MTSS1: variants seen among roughly 807,000 people sequenced by gnomAD.
MTSS1 encodes MTSS I-BAR domain containing 1.
In MTSS1, 18 loss-of-function variants were observed where a neutral mutation model predicts 79.0. That is an observed-to-expected ratio of 0.23 (90% CI 0.16 to 0.34). The LOEUF is 0.34. Among genes scored for constraint, MTSS1 ranks in the 10% least tolerant of loss-of-function variants. MTSS1 has a pLI of 1.00. For synonymous variants in MTSS1, 341 were observed against 368.6 expected, an observed-to-expected ratio of 0.93 and a Z score of 0.86; for missense variants, 815 against 986.2, an observed-to-expected ratio of 0.83 and a Z score of 2.33.
chr8:124,555,686 C>G, intron 13 of MTSS1, 56 bp downstream of exon 13: 1 of 1,497,058 alleles, frequency 6.7e-7, no homozygotes, highest in Non-Finnish European at 8.9e-7. Context: ...AGTTTTCTAT[C>G]TCCTCACCTG....
At chr8:124,581,971 G>A (rs1830124048) in intron 6 of MTSS1, among the ~76,000 whole-genome samples, 1 of 152,154 alleles carries the variant, frequency 6.6e-6, no homozygotes, top group Non-Finnish European at 1.5e-5. Context: ...GGGCTCAAGA[G>A]ACACTGTTCA....
intron 3 of MTSS1, among the ~76,000 whole-genome samples, chr8:124,645,361 G>C (rs1228180874): frequency 2.0e-5 from 3 of 152,098 alleles, no homozygotes; most frequent in Non-Finnish European, 2.9e-5. Context: ...ATTCCAGCCT[G>C]GGCAACAGAG....
chr8:124,575,384 A>G (rs1828766336), intron 6 of MTSS1, among the ~76,000 whole-genome samples: 1 of 152,202 alleles, frequency 6.6e-6, no homozygotes, highest in South Asian at 2.1e-4. Flanking sequence ...AAATAATAAC[A>G]GTATTGAGCT....
intron 3 of MTSS1, among the ~76,000 whole-genome samples, chr8:124,679,089 C>T (rs990143421): frequency 5.3e-5 from 8 of 152,200 alleles, no homozygotes; most frequent in African/African-American, 9.7e-5. Context: ...TGCTAATTTA[C>T]GGTTTGGCCA....
intron 3 of MTSS1, among the ~76,000 whole-genome samples, chr8:124,697,103 C>T (rs1414101724): frequency 2.0e-5 from 3 of 152,192 alleles, no homozygotes; most frequent in Non-Finnish European, 4.4e-5. Flanking sequence ...GTTCCCACTA[C>T]AGGAACTTAT....
chr8:124,698,408 C>G (rs1385005515), intron 3 of MTSS1, among the ~76,000 whole-genome samples: 1 of 151,862 alleles, frequency 6.6e-6, no homozygotes, highest in Non-Finnish European at 1.5e-5. Context: ...AAGTAAGAGG[C>G]AGAAGAGAGT....
At chr8:124,576,441 G>A (rs947249534) in intron 6 of MTSS1, among the ~76,000 whole-genome samples, 2 of 152,196 alleles carry the variant, frequency 1.3e-5, no homozygotes, top group African/African-American at 4.8e-5. Flanking sequence ...GAATAGGACA[G>A]CAGCTGCAGT....
At chr8:124,573,601 G>T (rs560552350) in intron 6 of MTSS1, among the ~76,000 whole-genome samples, 1 of 152,218 alleles carries the variant, frequency 6.6e-6, no homozygotes, top group African/African-American at 2.4e-5. Context: ...TTGATACAAC[G>T]TGACCAAGTT....
chr8:124,721,706 T>C (rs1459426926), intron 1 of MTSS1, among the ~76,000 whole-genome samples: 1 of 130,550 alleles, frequency 7.7e-6, no homozygotes, highest in Non-Finnish European at 1.7e-5. Context: ...AGAAAAGGCT[T>C]TGAGGGAAGA....
intron 3 of MTSS1, among the ~76,000 whole-genome samples, chr8:124,617,941 C>T (rs891982896): frequency 2.6e-5 from 4 of 152,258 alleles, no homozygotes; most frequent in Non-Finnish European, 2.9e-5. Context: ...GCACATTAGC[C>T]CTCATTACGC....
At chr8:124,635,516 G>C (rs545817054) in intron 3 of MTSS1, among the ~76,000 whole-genome samples, 8 of 152,340 alleles carry the variant, frequency 5.3e-5, no homozygotes, top group African/African-American at 1.9e-4. Context: ...GCAAATGCCG[G>C]AACGCCTCTG....
At chr8:124,640,163 G>C (rs968225754) in intron 3 of MTSS1, among the ~76,000 whole-genome samples, 8 of 152,140 alleles carry the variant, frequency 5.3e-5, no homozygotes, top group African/African-American at 1.9e-4. Flanking sequence ...GGTCAAGCTG[G>C]GATACAAACC....
chr8:124,652,939 C>T (rs1563936925), intron 3 of MTSS1, among the ~76,000 whole-genome samples: 2 of 152,208 alleles, frequency 1.3e-5, no homozygotes, highest in Admixed American at 1.3e-4. Context: ...TTATCATCAC[C>T]TCTGTGATCT....
intron 3 of MTSS1, 148 bp from the exon 4 acceptor site, chr8:124,591,383 G>A: frequency 1.5e-6 from 1 of 655,078 alleles, no homozygotes; most frequent in Non-Finnish European, 2.7e-6. Context: ...GCCCATGTGT[G>A]CATACACACA....
intron 3 of MTSS1, among the ~76,000 whole-genome samples, chr8:124,689,746 CAAAAAAA>C (rs35782850): frequency 1.1e-5 from 1 of 94,332 alleles, no homozygotes; most frequent in Non-Finnish European, 2.2e-5. Context: ...AACTCCATCT[CAAAAAAA>C]AAAAAAAAAA....
chr8:124,726,725 C>T (rs1189534173), intron 1 of MTSS1, among the ~76,000 whole-genome samples: 1 of 152,204 alleles, frequency 6.6e-6, no homozygotes, highest in African/African-American at 2.4e-5. Flanking sequence ...GGCGCCCAGG[C>T]AGCGGCTGAA....
intron 8 of MTSS1, 62 bp from the exon 9 acceptor site, chr8:124,565,821 G>A: frequency 7.4e-7 from 1 of 1,351,866 alleles, no homozygotes; most frequent in Non-Finnish European, 1.0e-6. Context: ...AGCCATCAAA[G>A]CTTAACATCC....
At chr8:124,686,193 G>C (rs1439762925) in intron 3 of MTSS1, among the ~76,000 whole-genome samples, 4 of 152,230 alleles carry the variant, frequency 2.6e-5, no homozygotes, top group African/African-American at 7.2e-5. Flanking sequence ...TGAGCAGGCA[G>C]AGGGGGCCTG....
At chr8:124,564,329 T>C (rs1343578000) in intron 9 of MTSS1, among the ~76,000 whole-genome samples, 4 of 152,106 alleles carry the variant, frequency 2.6e-5, no homozygotes, top group Non-Finnish European at 5.9e-5. Flanking sequence ...TGCAAGAGAC[T>C]CTGGCTTGCA....
Sources: gnomAD v4.1 joint callset for allele counts (sites outside exome capture counted in the v4.1 genomes callset) on GRCh38, gnomAD v4.1.1 for gene constraint, MANE v1.5 for transcripts, NCBI Gene and HGNC (gene_info 2026-07-23, HGNC 2026-07-21) for gene names.